The following SLC36A1 variants were observed in gnomAD, a reference collection of about 807,000 sequenced individuals.
SLC36A1 encodes the protein solute carrier family 36 member 1.
In SLC36A1, 30 loss-of-function variants were observed where a neutral mutation model predicts 47.5. The observed-to-expected ratio is 0.63, with a 90% confidence interval of 0.47 to 0.86. The LOEUF (loss-of-function observed/expected upper bound fraction) is 0.86, where lower values mean the gene tolerates loss of function less well. Among genes scored for constraint, SLC36A1 ranks in the 40% least tolerant of loss-of-function variants. The pLI, the probability that SLC36A1 is intolerant of heterozygous loss-of-function variation, is 0.00. For synonymous variants in SLC36A1, 255 were observed against 249.7 expected (o/e 1.02, Z -0.20); for missense variants, 517 against 606.0 (o/e 0.85, Z 1.54).
At chr5:151,508,557 A>G in the SLC36A1 span, among the ~76,000 whole-genome samples, 3 of 152,162 alleles carry the variant, frequency 2.0e-5, no homozygotes, top group Non-Finnish European at 4.4e-5. Context: ...TAAAAATACA[A>G]AAATTAGCCA....
At chr5:151,552,939 A>C in the SLC36A1 span, among the ~76,000 whole-genome samples, 1 of 152,198 alleles carries the variant, frequency 6.6e-6, no homozygotes, top group African/African-American at 2.4e-5. Context: ...GGCACTGCCA[A>C]CTCTGGCTGG....
the SLC36A1 span, chr5:151,538,051 C>T: frequency 1.1e-6 from 1 of 940,818 alleles, no homozygotes; most frequent in East Asian, 2.5e-5. Context: ...AAGAGAGACA[C>T]TAAGAGGGCA....
the SLC36A1 span, among the ~76,000 whole-genome samples, chr5:151,385,037 T>TGTGTGTGTGTGTGTGA: frequency 8.1e-3 from 1,145 of 141,966 alleles, 14 homozygotes; most frequent in African/African-American, 0.03. Flanking sequence ...TGTGTGTGTG[T>TGTGTGTGTGTGTGTGA]GAGAGAGAGA....
intron 9 of SLC36A1, chr5:151,477,124 G>A: frequency 5.4e-6 from 2 of 368,394 alleles, no homozygotes; most frequent in Non-Finnish European, 1.1e-5. Flanking sequence ...TCCCTTGGTA[G>A]TAACAGGCTT....
the SLC36A1 span, among the ~76,000 whole-genome samples, chr5:151,532,337 C>T: frequency 1.1e-3 from 166 of 152,096 alleles, 1 homozygote; most frequent in African/African-American, 3.8e-3. Flanking sequence ...GTGTTGGTTA[C>T]AAGAATCTAA....
upstream of SLC36A1, among the ~76,000 whole-genome samples, chr5:151,434,711 A>G (rs79998071): frequency 0.033 from 4,957 of 152,240 alleles, 263 homozygotes; most frequent in African/African-American, 0.11. Context: ...AGAGCCCAGA[A>G]TTAGTGCTCT....
the SLC36A1 span, among the ~76,000 whole-genome samples, chr5:151,411,286 G>T: frequency 6.5e-4 from 94 of 144,728 alleles, 15 homozygotes; most frequent in South Asian, 3.6e-3. Context: ...TCAAGGCTTT[G>T]TCATGGATAC....
intron 1 of SLC36A1, among the ~76,000 whole-genome samples, chr5:151,439,945 A>G (rs1011247403): frequency 6.6e-6 from 1 of 152,174 alleles, no homozygotes; most frequent in Non-Finnish European, 1.5e-5. Flanking sequence ...TTTCAAATTC[A>G]TTTTTCAGCA....
intron 6 of SLC36A1, 33 bp downstream of exon 6, chr5:151,467,316 A>C (rs765896332): frequency 5.0e-6 from 7 of 1,400,900 alleles, no homozygotes; most frequent in African/African-American, 4.5e-5. Flanking sequence ...AAAAAAAAAA[A>C]AAAACCAGAG....
chr5:151,390,948 G>C, the SLC36A1 span, among the ~76,000 whole-genome samples: 1 of 151,640 alleles, frequency 6.6e-6, no homozygotes, highest in Non-Finnish European at 1.5e-5. Context: ...TGTGAAGAAA[G>C]TCATTGGTAG....
the SLC36A1 span, among the ~76,000 whole-genome samples, chr5:151,400,675 G>T: frequency 6.6e-6 from 1 of 151,534 alleles, no homozygotes; most frequent in Non-Finnish European, 1.5e-5. Context: ...CCCGTTTTTT[G>T]TTTTGTTTTG....
upstream of SLC36A1, among the ~76,000 whole-genome samples, chr5:151,446,387 G>A (rs1049643934): frequency 3.9e-5 from 6 of 152,048 alleles, no homozygotes; most frequent in East Asian, 3.9e-4. Flanking sequence ...AAAATTAGTC[G>A]CGCGTGGTGG....
At chr5:151,414,408 G>T in the SLC36A1 span, among the ~76,000 whole-genome samples, 1 of 151,376 alleles carries the variant, frequency 6.6e-6, no homozygotes, top group Non-Finnish European at 1.5e-5. Flanking sequence ...AAAAGATCAG[G>T]CTGGAGGGCA....
chr5:151,544,825 G>A, the SLC36A1 span: 6 of 1,614,184 alleles, frequency 3.7e-6, no homozygotes, highest in African/African-American at 1.3e-5. Context: ...AGCCCCATTT[G>A]TCCCCAAGTC....
the SLC36A1 span, among the ~76,000 whole-genome samples, chr5:151,380,158 A>G: frequency 2.6e-5 from 4 of 152,224 alleles, no homozygotes; most frequent in Non-Finnish European, 4.4e-5. Context: ...CAGATTACCA[A>G]TATCAGAAAT....
the SLC36A1 span, chr5:151,381,296 TG>T: frequency 4.5e-6 from 1 of 223,364 alleles, no homozygotes; most frequent in Non-Finnish European, 9.1e-6. Flanking sequence ...CATGCACCCC[TG>T]GGAGCTCTTT....
the SLC36A1 span, among the ~76,000 whole-genome samples, chr5:151,526,842 C>T: frequency 6.6e-5 from 10 of 152,124 alleles, no homozygotes; most frequent in Non-Finnish European, 1.2e-4. Context: ...ATCCCAAGGC[C>T]CTCTCCAAAT....
intron 10 of SLC36A1, among the ~76,000 whole-genome samples, chr5:151,486,745 A>T (rs1309857826): frequency 2.6e-5 from 4 of 152,256 alleles, no homozygotes; most frequent in Non-Finnish European, 5.9e-5. Flanking sequence ...GGATGTCTGT[A>T]TCAAGGCTGG....
the SLC36A1 span, among the ~76,000 whole-genome samples, chr5:151,362,728 A>C: frequency 2.1e-3 from 317 of 152,174 alleles, 1 homozygote; most frequent in Non-Finnish European, 2.7e-3. Flanking sequence ...CTCTCTGATG[A>C]GTTTTTCAGC....
Sources: gnomAD v4.1 joint callset for allele counts (sites outside exome capture counted in the v4.1 genomes callset) on GRCh38, gnomAD v4.1.1 for gene constraint, MANE v1.5 for transcripts, NCBI Gene and HGNC (gene_info 2026-07-23, HGNC 2026-07-21) for gene names.